FBF1: variants seen among roughly 807,000 people sequenced by gnomAD.
FBF1 encodes Fas binding factor 1.
In FBF1, 119 loss-of-function variants were observed where a neutral mutation model predicts 147.2. That is an observed-to-expected ratio of 0.81 (90% CI 0.70 to 0.94). FBF1 has a LOEUF of 0.94. FBF1 is among the 40% of genes least tolerant of loss of function. The pLI is 0.00. For synonymous variants in FBF1, 601 were observed against 609.0 expected, an observed-to-expected ratio of 0.99 and a Z score of 0.19; for missense variants, 1,449 against 1,500.8, an observed-to-expected ratio of 0.97 and a Z score of 0.57.
At chr17:75,930,759 T>G (rs1443646771) in intron 6 of FBF1, among the ~76,000 whole-genome samples, 1 of 152,084 alleles carries the variant, frequency 6.6e-6, no homozygotes, top group African/African-American at 2.4e-5. Flanking sequence ...CCATCTCTAC[T>G]AAAAATACAA....
rs902472193 is a variant in FBF1, at chr17:75,931,178, T to C, written c.228+51A>G. Reference sequence around the variant, plus strand: ...CAGCCCCTTGGCCACAACACCCATCTCAGTGTTTCTGGGGATAAGTAGGGA... The same window carrying C: ...CAGCCCCTTGGCCACAACACCCATCCCAGTGTTTCTGGGGATAAGTAGGGA... On this transcript the variant is annotated intron_variant, in intron 6 of 29. Coordinates refer to ENST00000636174, the MANE Select transcript of FBF1 (RefSeq NM_001319193.2). 1.1e-5 allele frequency: 17 copies of C among 1,546,700 alleles called. No individual in the cohort carries two copies. In the East Asian group the frequency reaches 2.2e-4, roughly 20 times the overall value.
At chr17:75,929,955 ACCCACC>A in intron 7 of FBF1, 36 bp downstream of exon 7, 3 of 228,250 alleles carry the variant, frequency 1.3e-5, no homozygotes, top group Non-Finnish European at 2.7e-5. Context: ...ACCCCACCCC[ACCCACC>A]CCCAGTTCTA....
chr17:75,935,806 T>A (rs969440208), intron 3 of FBF1, 133 bp from the exon 4 acceptor site: 4 of 741,990 alleles, frequency 5.4e-6, no homozygotes, highest in South Asian at 2.1e-5. Flanking sequence ...CTCCTTTCAT[T>A]GGCCACGAGA....
intron 4 of FBF1, among the ~76,000 whole-genome samples, chr17:75,933,658 G>A (rs575154948): frequency 6.6e-5 from 10 of 152,204 alleles, no homozygotes; most frequent in Admixed American, 3.9e-4. Flanking sequence ...AGACCAACAC[G>A]AACACAAATA....
intron 7 of FBF1, among the ~76,000 whole-genome samples, chr17:75,929,660 A>G (rs1460794192): frequency 6.6e-6 from 1 of 152,094 alleles, no homozygotes; most frequent in East Asian, 1.9e-4. Flanking sequence ...AATATGGAGA[A>G]AGATTAAGAA....
intron 1 of FBF1, chr17:75,939,670 A>C (rs1370712250): frequency 6.6e-6 from 1 of 152,194 alleles, no homozygotes; most frequent in Non-Finnish European, 1.5e-5. Context: ...TGCTGGGATT[A>C]CAGGTGTGAG....
Position 75,918,113 on chromosome 17 carries a change from C to A in FBF1, c.2247-43G>T, listed in dbSNP as rs903694888. 6.2e-6 allele frequency: 10 copies of A among 1,607,264 alleles called. No homozygotes were observed. The highest frequency in any genetic ancestry group is 2.7e-5 in the African/African-American group (2 of 74,826). ...CACCCCCTCCTGACGGTCTCGGGGACCTTCCGGCCCCCAACGTCAGGCGGG... is the reference window on the plus strand; with the variant it reads ...CACCCCCTCCTGACGGTCTCGGGGAACTTCCGGCCCCCAACGTCAGGCGGG... On this transcript the variant is annotated intron_variant, in intron 21 of 29. Coordinates refer to ENST00000636174, the MANE Select transcript of FBF1 (RefSeq NM_001319193.2). This position sits in a 1 kb window ranked among gnomAD's most constrained non-coding sequence, Gnocchi z 5.8.
rs1444313216 is a variant in FBF1 at position 75,914,063 on chromosome 17, C to T, written c.2992-13G>A. 3 of 1,591,660 alleles carry T rather than the reference C, an allele frequency of 1.9e-6. No homozygotes were observed. The highest frequency in any genetic ancestry group is 2.6e-6 in the Non-Finnish European group (3 of 1,175,548). On this transcript the variant is annotated splice_polypyrimidine_tract_variant and intron_variant, in intron 26 of 29. Transcript: ENST00000636174. ...TCTCGGAGGCCACCTGCAGGGAGGC[C>T]GCCTGGGTCAGGGCTGCCTGGGCTC...
chr17:75,911,962 AT>A (rs1429408018), intron 29 of FBF1, among the ~76,000 whole-genome samples: 7 of 152,164 alleles, frequency 4.6e-5, no homozygotes, highest in African/African-American at 1.7e-4. Context: ...TGTTATCATT[AT>A]TGCTATAGGT....
intron 23 of FBF1, 115 bp from the exon 24 acceptor site, chr17:75,915,254 C>A: frequency 7.0e-7 from 1 of 1,418,480 alleles, no homozygotes; most frequent in Non-Finnish European, 9.3e-7. Context: ...GCCACTGACA[C>A]GTCCTTCCCA....
chr17:75,926,656 C>T, intron 10 of FBF1, 102 bp downstream of exon 10: 3 of 1,505,936 alleles, frequency 2.0e-6, no homozygotes, highest in Non-Finnish European at 2.7e-6. Context: ...GACCTCTGGT[C>T]CCCACCTGGG....
intron 7 of FBF1, 52 bp downstream of exon 7, chr17:75,929,945 A>AGGGGGCCCCCCCCCCCCCCCCC: frequency 4.6e-6 from 3 of 650,876 alleles, no homozygotes; most frequent in South Asian, 1.6e-5. Flanking sequence ...AAATATCATG[A>AGGGGGCCCCCCCCCCCCCCCCC]CCCCACCCCA....
intron 7 of FBF1, among the ~76,000 whole-genome samples, chr17:75,929,407 G>C (rs2065581210): frequency 6.6e-6 from 1 of 152,126 alleles, no homozygotes; most frequent in South Asian, 2.1e-4. Context: ...ACGCGGCTTT[G>C]TCCTAGGGAC....
rs1206604148 is a variant in FBF1 at position 75,912,185 on chromosome 17, G to A, written c.3363+7C>T. 11 of 1,601,278 alleles carry A rather than the reference G, an allele frequency of 6.9e-6. No homozygotes were observed. The highest frequency in any genetic ancestry group is 8.5e-6 in the Non-Finnish European group (10 of 1,174,782). On this transcript the variant is annotated splice_region_variant and intron_variant, in intron 29 of 29. Coordinates refer to ENST00000636174, the MANE Select transcript of FBF1 (RefSeq NM_001319193.2). ...CACAAGGATCCCCAAGGCCAGGAGA[G>A]ACTCACCTGCTCTGCCATGTGCCTC... is the stretch of plus-strand genomic sequence containing the variant.
intron 13 of FBF1, among the ~76,000 whole-genome samples, chr17:75,924,924 T>C (rs879448029): frequency 0.014 from 2,181 of 151,940 alleles, 20 homozygotes; most frequent in Non-Finnish European, 0.021. Context: ...TCACGGCAGG[T>C]TCGACAGCAG....
Position 75,922,894 on chromosome 17 carries a change from A to T in FBF1, c.1424+292T>A, listed in dbSNP as rs969093515. ...CAGCGGTGTGTCTGCCACCTCAGGG[A>T]CCCTCTGTCTTCTCCTCGATCAAGT... is the stretch of plus-strand genomic sequence containing the variant. On this transcript the variant is annotated intron_variant, in intron 14 of 29. Transcript: ENST00000636174. The surrounding 1 kb of genome is among the most constrained non-coding windows in gnomAD (Gnocchi z 5.0). Among the ~76,000 whole-genome samples the T allele has an allele frequency of 6.6e-6, 1 of 152,066 alleles. No homozygotes were observed. The highest frequency in any genetic ancestry group is 1.5e-5 in the Non-Finnish European group (1 of 68,004).
chr17:75,926,643 T>G (rs1336756051), intron 10 of FBF1, 115 bp downstream of exon 10: 4 of 1,463,308 alleles, frequency 2.7e-6, no homozygotes, highest in Admixed American at 4.2e-5. Flanking sequence ...GTACTGGACC[T>G]TAGACCTCTG....
chr17:75,909,867 T>A lies in FBF1; in HGVS notation c.*856A>T, dbSNP rs556662277. 1 of 696,858 alleles carries A rather than the reference T, an allele frequency of 1.4e-6. No individual in the cohort carries two copies. The highest frequency in any genetic ancestry group is 1.5e-5 in the South Asian group (1 of 66,838). 43.2% of individuals were successfully genotyped at this position (696,858 alleles called of 1,614,324 possible). ...TGAGCCATGGCAAAAGCAGTTTTTT[T>A]AAGCTTAGTCAAGTTGAAGCAGCGG... On this transcript the variant is annotated 3_prime_UTR_variant, in exon 30 of 30. Coordinates refer to ENST00000636174, the MANE Select transcript of FBF1 (RefSeq NM_001319193.2).
In FBF1 at chr17:75,910,671, A is replaced by G; in HGVS notation, c.*52T>C. 6.6e-7 allele frequency: 1 copy of G among 1,523,788 alleles called. No homozygotes were observed. The highest frequency in any genetic ancestry group is 1.2e-5 in the South Asian group (1 of 84,594). The allele number at this position is 1,523,788 out of a possible 1,614,324, so 94.4% of individuals were successfully genotyped here. A position where few individuals can be genotyped will look rare whatever the true frequency, so the allele number is the denominator to read the frequency against. ...CCTCCATGGAGGCAGCCGGAGGAAC[A>G]GGACAGTTCTGGGGTCCGAACCCTC... On this transcript the variant is annotated 3_prime_UTR_variant, in exon 30 of 30. Coordinates refer to ENST00000636174, the MANE Select transcript of FBF1 (RefSeq NM_001319193.2). This position sits in a 1 kb window ranked among gnomAD's most constrained non-coding sequence, Gnocchi z 4.1.
Sources: gnomAD v4.1 joint callset for allele counts (sites outside exome capture counted in the v4.1 genomes callset) on GRCh38, gnomAD v4.1.1 for gene constraint, Gnocchi (gnomAD v3.1) non-coding constraint, MANE v1.5 for transcripts, NCBI Gene and HGNC (gene_info 2026-07-23, HGNC 2026-07-21) for gene names.